TMEM267: variants seen among roughly 807,000 people sequenced by gnomAD.
The protein encoded by TMEM267 is transmembrane protein 267, also known as transmembrane protein C5orf28.
A neutral mutation model predicts 19.3 loss-of-function variants in TMEM267; 20 were observed. The observed-to-expected ratio is 1.04, with a 90% CI of 0.73 to 1.51. The LOEUF is 1.51. TMEM267 is among the 40% of genes most tolerant of loss of function. The pLI, the probability that TMEM267 is intolerant of heterozygous loss-of-function variation, is 0.00. For synonymous variants in TMEM267, 88 were observed against 90.3 expected, an observed-to-expected ratio of 0.97 and a Z score of 0.15; for missense variants, 242 against 261.9, an observed-to-expected ratio of 0.92 and a Z score of 0.52.
Position 43,453,906 on chromosome 5 carries a change from A to G in TMEM267, c.64T>C (p.Ser22Pro). ...CAAAATGCCCCCAGACCAAGGCTGGAAATAAGAGATTCAGTGCTACAAGTC... is the reference window on the plus strand; with the variant it reads ...CAAAATGCCCCCAGACCAAGGCTGGGAATAAGAGATTCAGTGCTACAAGTC... ...LQTCSTESLI[S>P]SLGLGAFCLV... The change falls in exon 2 of 3, where the codon TCC becomes CCC. Residue 22 changes from serine to proline, a missense_variant. Coordinates refer to ENST00000397080, the MANE Select transcript of TMEM267 (RefSeq NM_022483.5). The G allele has an allele frequency of 6.2e-7, 1 of 1,614,112 alleles. No homozygotes were observed. Among genetic ancestry groups the G allele is most frequent in the Non-Finnish European group, 8.5e-7 (1 of 1,180,026 alleles).
At chr5:43,451,637 T>C (rs1014755296) in intron 2 of TMEM267, among the ~76,000 whole-genome samples, 1 of 152,216 alleles carries the variant, frequency 6.6e-6, no homozygotes, top group Non-Finnish European at 1.5e-5. Flanking sequence ...GGAACACTTA[T>C]ACATTGTTGG....
At chr5:43,447,957 G>A (rs1398397225) in intron 2 of TMEM267, among the ~76,000 whole-genome samples, 1 of 152,142 alleles carries the variant, frequency 6.6e-6, no homozygotes, top group African/African-American at 2.4e-5. Context: ...GAAAGGGAGA[G>A]ACACTCTTTG....
chr5:43,447,338 C>T (rs1020371009), intron 2 of TMEM267, among the ~76,000 whole-genome samples: 5 of 152,126 alleles, frequency 3.3e-5, no homozygotes, highest in Admixed American at 6.5e-5. Flanking sequence ...GATCCACCCA[C>T]CTTGGCCTCC....
chr5:43,450,215 A>C (rs1400574095), intron 2 of TMEM267, among the ~76,000 whole-genome samples: 1 of 152,084 alleles, frequency 6.6e-6, no homozygotes, highest in Non-Finnish European at 1.5e-5. Context: ...GCTGGTCTTC[A>C]GCTCCTGGCC....
chr5:43,448,423 G>A (rs1432220170), intron 2 of TMEM267, among the ~76,000 whole-genome samples: 1 of 152,136 alleles, frequency 6.6e-6, no homozygotes, highest in Non-Finnish European at 1.5e-5. Context: ...ATCATGAAAT[G>A]AAGTGATAAA....
At chr5:43,461,568 G>A (rs373964065) in intron 1 of TMEM267, among the ~76,000 whole-genome samples, 4 of 152,210 alleles carry the variant, frequency 2.6e-5, no homozygotes, top group African/African-American at 9.6e-5. Flanking sequence ...TGCCCTAAAG[G>A]GTGGGTCTCA....
intron 2 of TMEM267, among the ~76,000 whole-genome samples, chr5:43,452,093 A>AG (rs1238891134): frequency 6.6e-6 from 1 of 150,828 alleles, no homozygotes; most frequent in Non-Finnish European, 1.5e-5. Context: ...AAAAAAAAAA[A>AG]AAGAAAGAAA....
intron 1 of TMEM267, among the ~76,000 whole-genome samples, chr5:43,463,476 G>C (rs1445527591): frequency 1.3e-5 from 2 of 152,086 alleles, no homozygotes; most frequent in Admixed American, 6.5e-5. Flanking sequence ...GCCTGGCAGA[G>C]ACACAACCAA....
At chr5:43,468,472 T>G (rs911219587) in intron 1 of TMEM267, among the ~76,000 whole-genome samples, 3 of 151,888 alleles carry the variant, frequency 2.0e-5, no homozygotes, top group Admixed American at 6.6e-5. Context: ...CAAGGCTAAG[T>G]GATTAAAGGA....
chr5:43,482,484 T>A (rs1181982269), intron 1 of TMEM267, among the ~76,000 whole-genome samples: 2 of 152,246 alleles, frequency 1.3e-5, no homozygotes, highest in Non-Finnish European at 2.9e-5. Context: ...AACCTCCTTT[T>A]ACATATTCAC....
intron 1 of TMEM267, among the ~76,000 whole-genome samples, chr5:43,482,078 C>T (rs1423498274): frequency 6.6e-6 from 1 of 152,168 alleles, no homozygotes; most frequent in Admixed American, 6.6e-5. Flanking sequence ...CTCCTGATCT[C>T]GTGATCCGCC....
intron 2 of TMEM267, among the ~76,000 whole-genome samples, chr5:43,447,986 G>T (rs1387766060): frequency 6.6e-6 from 1 of 152,036 alleles, no homozygotes; most frequent in Non-Finnish European, 1.5e-5. Context: ...ATGGTGAAAA[G>T]GAAAAGAAGT....
At chr5:43,450,753 A>T (rs1229197243) in intron 2 of TMEM267, among the ~76,000 whole-genome samples, 2 of 152,244 alleles carry the variant, frequency 1.3e-5, no homozygotes, top group African/African-American at 4.8e-5. Context: ...TAAATTCTAG[A>T]TGAACACATT....
At chr5:43,474,273 C>A in intron 1 of TMEM267, among the ~76,000 whole-genome samples, 1 of 152,214 alleles carries the variant, frequency 6.6e-6, no homozygotes, top group East Asian at 1.9e-4. Context: ...TCTAATTAAA[C>A]GAAAGAGCTT....
chr5:43,482,411 C>A (rs1258391728), intron 1 of TMEM267, among the ~76,000 whole-genome samples: 1 of 152,046 alleles, frequency 6.6e-6, no homozygotes, highest in East Asian at 1.9e-4. Flanking sequence ...CATTTTTCTT[C>A]TTAAACTTTT....
At chr5:43,449,162 C>T (rs902125891) in intron 2 of TMEM267, among the ~76,000 whole-genome samples, 2 of 151,926 alleles carry the variant, frequency 1.3e-5, no homozygotes, top group Non-Finnish European at 2.9e-5. Flanking sequence ...ATTCCAGCTA[C>T]TCAGGAGGCT....
intron 2 of TMEM267, among the ~76,000 whole-genome samples, chr5:43,452,538 A>AT (rs1742665814): frequency 6.6e-6 from 1 of 150,934 alleles, no homozygotes; most frequent in African/African-American, 2.4e-5. Context: ...CTTTACCGCT[A>AT]TGCAATACAT....
At chr5:43,467,754 G>A (rs1156996597) in intron 1 of TMEM267, among the ~76,000 whole-genome samples, 1 of 152,062 alleles carries the variant, frequency 6.6e-6, no homozygotes, top group African/African-American at 2.4e-5. Flanking sequence ...AACCACTCAG[G>A]GCAAATCTGC....
chr5:43,481,073 G>A (rs1045807958), intron 1 of TMEM267, among the ~76,000 whole-genome samples: 2 of 149,938 alleles, frequency 1.3e-5, no homozygotes, highest in Non-Finnish European at 3.0e-5. Context: ...CAAAGTGCTA[G>A]GATTACAGGC....
Sources: allele counts gnomAD v4.1 joint callset (sites outside exome capture counted in the v4.1 genomes callset), GRCh38; gene constraint gnomAD v4.1.1; transcripts MANE v1.5; gene names NCBI Gene and HGNC (gene_info 2026-07-23, HGNC 2026-07-21).